Variants in NXN observed in about 807,000 individuals in gnomAD.
NXN encodes the protein nucleoredoxin 1.
A neutral mutation model predicts 48.6 loss-of-function variants in NXN; 16 were observed. The observed-to-expected ratio is 0.33, with a 90% CI of 0.22 to 0.50. The LOEUF (loss-of-function observed/expected upper bound fraction) is 0.50. Among genes scored for constraint, NXN ranks in the 20% least tolerant of loss-of-function variants. NXN has a pLI of 0.98. For missense variants in NXN, 492 were observed against 605.5 expected (o/e 0.81, Z 1.97); for synonymous variants, 281 against 269.6 (o/e 1.04, Z -0.41).
At chr17:889,407 G>C (rs1013891280) in intron 1 of NXN, among the ~76,000 whole-genome samples, 16 of 152,222 alleles carry the variant, frequency 1.1e-4, no homozygotes, top group Admixed American at 5.9e-4. Context: ...GAGAAATGCA[G>C]AGAGATTGGC....
In NXN at chr17:849,348, C is replaced by T. The variant is rs552619488; in HGVS notation, c.361-23270G>A. 1.3e-5 allele frequency among the ~76,000 whole-genome samples: 2 copies of T among 152,158 alleles called. No individual in the cohort carries two copies. The highest frequency in any genetic ancestry group is 4.8e-5 in the African/African-American group (2 of 41,434). ...AGGAGTTAGAGACCACCCTGGCAAA[C>T]AGGGTGAAATCTCATCTCTACTAAA... is the stretch of plus-strand genomic sequence containing the variant. On this transcript the variant is annotated intron_variant, in intron 1 of 7. Transcript: ENST00000336868. The surrounding 1 kb of genome is among the most constrained non-coding windows in gnomAD (Gnocchi z 4.2).
At chr17:857,258 T>C (rs1051569181) in intron 1 of NXN, among the ~76,000 whole-genome samples, 3 of 152,090 alleles carry the variant, frequency 2.0e-5, no homozygotes, top group Non-Finnish European at 4.4e-5. Flanking sequence ...ACCTTTTCTT[T>C]TTTCTTTCTT....
At chr17:892,548 C>T (rs1335411191) in intron 1 of NXN, among the ~76,000 whole-genome samples, 2 of 151,914 alleles carry the variant, frequency 1.3e-5, no homozygotes, top group Non-Finnish European at 2.9e-5. Context: ...ACCCACAAAA[C>T]ACTCACAAAC....
intron 1 of NXN, among the ~76,000 whole-genome samples, chr17:970,929 C>G (rs920116224): frequency 6.7e-6 from 1 of 150,236 alleles, no homozygotes; most frequent in Admixed American, 6.6e-5. Flanking sequence ...CATGACAGGT[C>G]TGCAGATATG....
At chr17:890,565 A>T (rs1371743054) in intron 1 of NXN, among the ~76,000 whole-genome samples, 1 of 148,022 alleles carries the variant, frequency 6.8e-6, no homozygotes, top group African/African-American at 2.6e-5. Flanking sequence ...TTTTTTTAGT[A>T]GAGATGGGGT....
At chr17:820,611 CAAAAAAAAAAAAAA>C (rs750581539) in intron 4 of NXN, among the ~76,000 whole-genome samples, 1 of 14,726 alleles carries the variant, frequency 6.8e-5, no homozygotes, top group East Asian at 2.3e-3. Context: ...GACTCTGTCT[CAAAAAAAAAAAAAA>C]AAAAAAAAGT....
chr17:883,796 A>C (rs978668890), intron 1 of NXN, among the ~76,000 whole-genome samples: 6 of 152,206 alleles, frequency 3.9e-5, no homozygotes. Context: ...TTGCAGGCCC[A>C]GGTGCGGTGC....
chr17:868,551 A>G (rs867505944), intron 1 of NXN, among the ~76,000 whole-genome samples: 2 of 151,346 alleles, frequency 1.3e-5, no homozygotes, highest in South Asian at 2.1e-4. Context: ...GAGTGCAGTG[A>G]TGCGATCTCT....
Position 799,619 on chromosome 17 carries a change from G to A in NXN, c.*1330C>T, listed in dbSNP as rs990962402. 6.6e-6 allele frequency: 1 copy of A among 152,272 alleles called. No homozygotes were observed. The highest frequency in any genetic ancestry group is 1.5e-5 in the Non-Finnish European group (1 of 68,086). The allele number at this position is 152,272 out of a possible 1,614,324, so 9.4% of individuals were successfully genotyped here. The stretch of plus-strand genomic sequence containing the variant: ...CCGTCCATCCCCAATCCTGAGAACA[G>A]AGTTGTCTGTTTCTCTTTCGGGGGT... On this transcript the variant is annotated 3_prime_UTR_variant, in exon 8 of 8. Transcript: ENST00000336868.
intron 1 of NXN, among the ~76,000 whole-genome samples, chr17:915,283 C>T (rs984826909): frequency 6.6e-6 from 1 of 151,958 alleles, no homozygotes; most frequent in Non-Finnish European, 1.5e-5. Flanking sequence ...TTAGCATGAC[C>T]TCTAGGAATT....
chr17:801,936 A>G (rs1475705591), intron 7 of NXN, among the ~76,000 whole-genome samples: 1 of 152,194 alleles, frequency 6.6e-6, no homozygotes, highest in Non-Finnish European at 1.5e-5. Flanking sequence ...CCAGTTCAGA[A>G]GACAGCGCTG....
rs887226102 is a variant in NXN at position 849,101 on chromosome 17, T to G, written c.361-23023A>C. 1.5e-4 allele frequency among the ~76,000 whole-genome samples: 23 copies of G among 152,264 alleles called. No individual in the cohort carries two copies. Among genetic ancestry groups the G allele is most frequent in the African/African-American group, 4.8e-4 (20 of 41,572 alleles). Reference sequence around the variant, plus strand: ...CCGGCTTCCTCTCTAGACCCTCCCCTGGGACGGCAGTCCCCACCCCACCCA... The same window carrying G: ...CCGGCTTCCTCTCTAGACCCTCCCCGGGGACGGCAGTCCCCACCCCACCCA... On this transcript the variant is annotated intron_variant, in intron 1 of 7. Coordinates refer to ENST00000336868, the MANE Select transcript of NXN (RefSeq NM_022463.5). This position sits in a 1 kb window ranked among gnomAD's most constrained non-coding sequence, Gnocchi z 4.2.
At position 812,765 on chromosome 17, in the gene NXN, TGA is replaced by T. The variant is rs774691335; in HGVS notation, c.820+6672_820+6673del. 5.6e-4 allele frequency among the ~76,000 whole-genome samples: 82 copies of T among 146,038 alleles called. 1 individual carries two copies. Among genetic ancestry groups the T allele is most frequent in the Non-Finnish European group, 1.1e-3 (74 of 66,548 alleles). ...GCGTGAGTGAGAGTGTGCATATGTG[TGA>T]GTGTAGGTGTGTGCATGTGTGTAGG... On this transcript the variant is annotated intron_variant, in intron 5 of 7. Transcript: ENST00000336868.
At chr17:901,634 G>A (rs2068538495) in intron 1 of NXN, among the ~76,000 whole-genome samples, 1 of 152,130 alleles carries the variant, frequency 6.6e-6, no homozygotes. Flanking sequence ...AATCTAAATC[G>A]ATGGCATTTT....
rs554846901 is a variant in NXN at position 800,872 on chromosome 17, A to C, written c.*77T>G. On this transcript the variant is annotated 3_prime_UTR_variant, in exon 8 of 8. Coordinates refer to ENST00000336868, the MANE Select transcript of NXN (RefSeq NM_022463.5). ...GGTGGGATTCGGGGCACGCTGGGTAAGTCCAAGGGCGGAAGGAAGGAGGGG... is the reference window on the plus strand; with the variant it reads ...GGTGGGATTCGGGGCACGCTGGGTACGTCCAAGGGCGGAAGGAAGGAGGGG... The C allele has an allele frequency of 7.5e-6, 8 of 1,069,576 alleles. No homozygotes were observed. Among genetic ancestry groups the C allele is most frequent in the Admixed American group, 6.7e-5 (2 of 29,892 alleles). 66.3% of individuals were successfully genotyped at this position (1,069,576 alleles called of 1,614,324 possible).
At chr17:971,214 G>A (rs1008590969) in intron 1 of NXN, among the ~76,000 whole-genome samples, 6 of 151,882 alleles carry the variant, frequency 4.0e-5, no homozygotes, top group Admixed American at 1.3e-4. Flanking sequence ...CCACAGTGCT[G>A]GGATTACAGG....
chr17:925,983 G>C (rs1325559938), intron 1 of NXN, among the ~76,000 whole-genome samples: 3 of 152,156 alleles, frequency 2.0e-5, no homozygotes, highest in African/African-American at 4.8e-5. Flanking sequence ...AATAGTAGCA[G>C]CTGATTCTCG....
intron 1 of NXN, among the ~76,000 whole-genome samples, chr17:869,221 G>C (rs1398399173): frequency 6.6e-6 from 1 of 152,100 alleles, no homozygotes; most frequent in African/African-American, 2.4e-5. Flanking sequence ...TAAAGGGCAG[G>C]CAGCCCTTAC....
intron 1 of NXN, among the ~76,000 whole-genome samples, chr17:854,196 G>A: frequency 6.6e-6 from 1 of 152,134 alleles, no homozygotes; most frequent in Non-Finnish European, 1.5e-5. Flanking sequence ...TGGAATAGCT[G>A]CTTCTAATTC....
Sources: gnomAD v4.1 joint callset for allele counts (sites outside exome capture counted in the v4.1 genomes callset) on GRCh38, gnomAD v4.1.1 for gene constraint, Gnocchi (gnomAD v3.1) non-coding constraint, MANE v1.5 for transcripts, NCBI Gene and HGNC (gene_info 2026-07-23, HGNC 2026-07-21) for gene names.